XKR4: variants seen among roughly 807,000 people sequenced by gnomAD.
XKR4 encodes the protein XK-related protein 4.
A neutral mutation model predicts 53.9 loss-of-function variants in XKR4; 12 were observed. That is an observed-to-expected ratio of 0.22 (90% CI 0.14 to 0.36). The LOEUF is 0.36. Ranked by LOEUF, XKR4 falls within the 10% of genes least tolerant of loss-of-function variation. The pLI is 1.00. For missense variants in XKR4, 799 were observed against 859.5 expected (o/e 0.93, Z 0.88); for synonymous variants, 354 against 362.4 (o/e 0.98, Z 0.26).
At chr8:55,459,585 C>T (rs1181617343) in intron 2 of XKR4, among the ~76,000 whole-genome samples, 1 of 151,884 alleles carries the variant, frequency 6.6e-6, no homozygotes, top group Non-Finnish European at 1.5e-5. Flanking sequence ...AATAATATAA[C>T]AAACAATTCA....
At chr8:55,429,641 G>A (rs1037626812) in intron 2 of XKR4, among the ~76,000 whole-genome samples, 6 of 151,932 alleles carry the variant, frequency 3.9e-5, no homozygotes, top group African/African-American at 1.2e-4. Context: ...TGAGGTAGAA[G>A]GATCACTTGA....
intron 1 of XKR4, among the ~76,000 whole-genome samples, chr8:55,316,236 G>T (rs1474797320): frequency 6.6e-6 from 1 of 152,126 alleles, no homozygotes; most frequent in Non-Finnish European, 1.5e-5. Flanking sequence ...GTTGAGGGAT[G>T]TTTCCTACCA....
chr8:55,403,076 G>A lies in XKR4; in HGVS notation c.1006+45199G>A, dbSNP rs534139392. Among the ~76,000 whole-genome samples the A allele has an allele frequency of 4.1e-4, 63 of 152,310 alleles. 1 individual carries two copies. The highest frequency in any genetic ancestry group is 3.4e-3 in the Middle Eastern group (1 of 294). On this transcript the variant is annotated intron_variant, in intron 2 of 2. Transcript: ENST00000327381. ...ATCATCGCGGACCTGGTTGTAGGTT[G>A]CTTTACCTAGACACCATTCTGTCCC...
At chr8:55,305,116 C>G (rs1048590547) in intron 1 of XKR4, among the ~76,000 whole-genome samples, 3 of 152,180 alleles carry the variant, frequency 2.0e-5, no homozygotes, top group Non-Finnish European at 4.4e-5. Context: ...CTAGAACCCA[C>G]TGTTCTGTAT....
chr8:55,264,375 T>G (rs1394224725), intron 1 of XKR4, among the ~76,000 whole-genome samples: 1 of 152,246 alleles, frequency 6.6e-6, no homozygotes, highest in Non-Finnish European at 1.5e-5. Flanking sequence ...TTGCCTATTT[T>G]GTTCACTGTT....
intron 2 of XKR4, among the ~76,000 whole-genome samples, chr8:55,484,934 T>C (rs1806170516): frequency 6.6e-6 from 1 of 152,242 alleles, no homozygotes; most frequent in Non-Finnish European, 1.5e-5. Flanking sequence ...TCAGCTCTCC[T>C]GGATCTGACT....
intron 1 of XKR4, among the ~76,000 whole-genome samples, chr8:55,183,660 G>A (rs935088163): frequency 6.6e-6 from 1 of 152,064 alleles, no homozygotes; most frequent in Non-Finnish European, 1.5e-5. Context: ...ACAGGATGTG[G>A]TTTATTAGGG....
chr8:55,156,076 A>C (rs1022192164), intron 1 of XKR4, among the ~76,000 whole-genome samples: 1 of 152,128 alleles, frequency 6.6e-6, no homozygotes, highest in Non-Finnish European at 1.5e-5. Flanking sequence ...AGATACAAGA[A>C]ACCGCTTCAA....
chr8:55,199,102 G>GT (rs748985850), intron 1 of XKR4, among the ~76,000 whole-genome samples: 2 of 152,164 alleles, frequency 1.3e-5, no homozygotes, highest in African/African-American at 2.4e-5. Flanking sequence ...TATTTAGGAA[G>GT]TTCTTACATA....
intron 2 of XKR4, among the ~76,000 whole-genome samples, chr8:55,497,869 C>T (rs1280642919): frequency 2.0e-5 from 3 of 152,206 alleles, no homozygotes; most frequent in African/African-American, 7.2e-5. Flanking sequence ...CACCTCACAC[C>T]GAGTGAACCC....
chr8:55,172,591 G>A (rs888926472), intron 1 of XKR4, among the ~76,000 whole-genome samples: 6 of 152,038 alleles, frequency 3.9e-5, no homozygotes, highest in African/African-American at 1.4e-4. Flanking sequence ...AGAAAAAGAA[G>A]CAAACTTGTG....
chr8:55,221,616 C>T (rs532866617), intron 1 of XKR4, among the ~76,000 whole-genome samples: 9 of 152,280 alleles, frequency 5.9e-5, no homozygotes, highest in Admixed American at 4.6e-4. Flanking sequence ...TTGGCACTAT[C>T]GTTCTTTGGC....
At chr8:55,316,594 G>A (rs189663215) in intron 1 of XKR4, among the ~76,000 whole-genome samples, 2 of 152,166 alleles carry the variant, frequency 1.3e-5, no homozygotes, top group Admixed American at 6.5e-5. Flanking sequence ...AGTGTTCTGA[G>A]ACTATGTGAT....
chr8:55,240,077 T>G (rs1818188483), intron 1 of XKR4, among the ~76,000 whole-genome samples: 2 of 152,140 alleles, frequency 1.3e-5, no homozygotes, highest in Non-Finnish European at 1.5e-5. Context: ...CTGTTAAGAT[T>G]TTTAAGGCAG....
At chr8:55,400,590 G>C (rs1265939031) in intron 2 of XKR4, among the ~76,000 whole-genome samples, 1 of 152,208 alleles carries the variant, frequency 6.6e-6, no homozygotes, top group Non-Finnish European at 1.5e-5. Flanking sequence ...AGATGGCAGA[G>C]AGACAGCCTG....
At chr8:55,413,412 G>A (rs1370410377) in intron 2 of XKR4, among the ~76,000 whole-genome samples, 1 of 152,088 alleles carries the variant, frequency 6.6e-6, no homozygotes, top group East Asian at 1.9e-4. Context: ...TTTTAATGGA[G>A]ACGGGGTTTC....
chr8:55,200,225 G>A (rs1021825687), intron 1 of XKR4, among the ~76,000 whole-genome samples: 8 of 152,170 alleles, frequency 5.3e-5, no homozygotes, highest in South Asian at 4.2e-4. Context: ...CCACCACAAC[G>A]CCCAGCTAAT....
intron 1 of XKR4, among the ~76,000 whole-genome samples, chr8:55,277,564 A>C (rs1818781534): frequency 6.6e-6 from 1 of 152,202 alleles, no homozygotes; most frequent in Admixed American, 6.5e-5. Context: ...TAATATTTTT[A>C]ATAATTTTGT....
At chr8:55,170,512 C>A (rs950793319) in intron 1 of XKR4, among the ~76,000 whole-genome samples, 1 of 152,100 alleles carries the variant, frequency 6.6e-6, no homozygotes, top group African/African-American at 2.4e-5. Flanking sequence ...AACATAGACC[C>A]GCTGCTTGAT....
Sources: gnomAD v4.1 joint callset for allele counts (sites outside exome capture counted in the v4.1 genomes callset) on GRCh38, gnomAD v4.1.1 for gene constraint, MANE v1.5 for transcripts, NCBI Gene and HGNC (gene_info 2026-07-23, HGNC 2026-07-21) for gene names.